CTSC: variants seen among roughly 807,000 people sequenced by gnomAD.
The protein encoded by CTSC is cathepsin C.
A neutral mutation model predicts 40.9 loss-of-function variants in CTSC; 37 were observed. The observed-to-expected ratio is 0.91, with a 90% confidence interval of 0.70 to 1.19. The LOEUF (loss-of-function observed/expected upper bound fraction) is 1.19, where lower values mean the gene tolerates loss of function less well. Among genes scored for constraint, CTSC ranks in the 50% most tolerant of loss-of-function variants. CTSC has a pLI of 0.00. For missense variants in CTSC, 594 were observed against 567.3 expected (o/e 1.05, Z -0.48); for synonymous variants, 232 against 207.4 (o/e 1.12, Z -1.02).
intron 4 of CTSC, among the ~76,000 whole-genome samples, chr11:88,307,038 A>G (rs896781241): frequency 2.6e-5 from 4 of 152,188 alleles, no homozygotes; most frequent in Non-Finnish European, 4.4e-5. Context: ...CCTCTGTCAT[A>G]TGCCTGCGAG....
chr11:88,294,269 A>G lies in CTSC; in HGVS notation c.1129T>C (p.Tyr377His). ...TTTTTGTAGTGGAGGAAGTCATCAT[A>G]TACTTCAAAAGCAACTGCCATGGGC... ...HGPMAVAFEVYDDFLHYKKGI... is the reference protein window; with the variant it reads ...HGPMAVAFEVHDDFLHYKKGI... The change falls in exon 7 of 7, where the codon TAT (tyrosine) becomes CAT (histidine). Residue 377 changes from tyrosine (Y) to histidine (H), a missense_variant. Coordinates refer to ENST00000227266, the MANE Select transcript of CTSC (RefSeq NM_001814.6). 2 of 1,614,112 alleles carry G rather than the reference A, an allele frequency of 1.2e-6. No homozygotes were observed. The highest frequency in any genetic ancestry group is 1.7e-6 in the Non-Finnish European group (2 of 1,180,028).
At chr11:88,309,043 TA>T in intron 4 of CTSC, 119 bp downstream of exon 4, 1 of 825,258 alleles carries the variant, frequency 1.2e-6, no homozygotes, top group Non-Finnish European at 2.0e-6. Flanking sequence ...ACAGATCACA[TA>T]AAAAGTTACA....
chr11:88,325,802 A>G lies in CTSC; in HGVS notation c.318+9135T>C, dbSNP rs528724415. On this transcript the variant is annotated intron_variant, in intron 2 of 6. Coordinates refer to ENST00000227266, the MANE Select transcript of CTSC (RefSeq NM_001814.6). Reference sequence around the variant, plus strand: ...ACTATAGCAGTCTGACATATCTGAGAAAGCCTCTTTTTTCCCTTCTTTAAA... The same window carrying G: ...ACTATAGCAGTCTGACATATCTGAGGAAGCCTCTTTTTTCCCTTCTTTAAA... 9.7e-5 allele frequency: 96 copies of G among 985,934 alleles called. No individual in the cohort carries two copies. The African/African-American group carries it at 1.6e-3, about 17-fold the overall frequency. The allele number at this position is 985,934 out of a possible 1,614,324, so 61.1% of individuals were successfully genotyped here. A position where few individuals can be genotyped will look rare whatever the true frequency, so the allele number is the denominator to read the frequency against.
At chr11:88,325,046 T>C (rs1401572840) in intron 2 of CTSC, 2 of 985,090 alleles carry the variant, frequency 2.0e-6, no homozygotes, top group Non-Finnish European at 2.4e-6. Context: ...CCAGACAATA[T>C]GAATTAAACA....
At chr11:88,333,550 T>C (rs560077147) in intron 2 of CTSC, among the ~76,000 whole-genome samples, 1 of 152,352 alleles carries the variant, frequency 6.6e-6, no homozygotes, top group South Asian at 2.1e-4. Context: ...TCAAAGAACC[T>C]TTGAAGGGCT....
intron 2 of CTSC, among the ~76,000 whole-genome samples, chr11:88,314,907 T>G (rs1345437073): frequency 6.6e-6 from 1 of 152,140 alleles, no homozygotes; most frequent in Non-Finnish European, 1.5e-5. Flanking sequence ...AGTTCCCAAC[T>G]ACTCAAGTCC....
chr11:88,331,488 G>T (rs1281294186), intron 2 of CTSC, among the ~76,000 whole-genome samples: 1 of 152,146 alleles, frequency 6.6e-6, no homozygotes, highest in African/African-American at 2.4e-5. Flanking sequence ...GTTCTGGAAG[G>T]GTCCCAGACA....
chr11:88,331,912 T>G (rs539569204), intron 2 of CTSC, among the ~76,000 whole-genome samples: 1 of 152,094 alleles, frequency 6.6e-6, no homozygotes, highest in East Asian at 1.9e-4. Flanking sequence ...GTCTTGGGAG[T>G]GAGTTATGAG....
intron 2 of CTSC, chr11:88,328,228 A>T: frequency 6.8e-7 from 1 of 1,478,264 alleles, no homozygotes; most frequent in Non-Finnish European, 9.5e-7. Flanking sequence ...AAACTGAGTC[A>T]TTATGTTGAG....
rs755324089 is a variant in CTSC at position 88,300,637 on chromosome 11, G to GCA, written c.649_650insTG (p.Pro217LeufsTer5). 5.0e-6 allele frequency: 8 copies of GCA among 1,607,828 alleles called. No individual in the cohort carries two copies. In the South Asian group the frequency reaches 8.8e-5, roughly 18 times the overall value. ...CTGTATTTCAGCAGTCAGTGGTGCA[G>GCA]GTTTGGGCCTAGAAAGGAAATATAC... On this transcript the variant is annotated frameshift_variant, in exon 5 of 7. Coordinates refer to ENST00000227266, the MANE Select transcript of CTSC (RefSeq NM_001814.6). LOFTEE classifies it high-confidence loss of function.
intron 4 of CTSC, among the ~76,000 whole-genome samples, chr11:88,304,741 C>T (rs1177282447): frequency 1.3e-5 from 2 of 152,192 alleles, no homozygotes; most frequent in African/African-American, 2.4e-5. Flanking sequence ...ACCAAGATGG[C>T]GATGAGAGTG....
intron 3 of CTSC, among the ~76,000 whole-genome samples, chr11:88,311,800 GC>G (rs1451894762): frequency 6.6e-6 from 1 of 152,162 alleles, no homozygotes; most frequent in Non-Finnish European, 1.5e-5. Flanking sequence ...CTGTTTAGGA[GC>G]CCAGTAAGCA....
At chr11:88,296,712 G>C in intron 5 of CTSC, 2 of 252,014 alleles carry the variant, frequency 7.9e-6, no homozygotes, top group South Asian at 9.5e-5. Flanking sequence ...CTAAAATCAT[G>C]TTAAAACCCC....
chr11:88,296,514 T>TA (rs1944301048), intron 5 of CTSC: 4 of 421,286 alleles, frequency 9.5e-6, no homozygotes, highest in Middle Eastern at 7.4e-4. Flanking sequence ...TTTTAGAAAC[T>TA]AAAAAAACCC....
chr11:88,302,176 A>G (rs1260434645), intron 4 of CTSC, among the ~76,000 whole-genome samples: 4 of 152,126 alleles, frequency 2.6e-5, no homozygotes. Context: ...GTCATATCAC[A>G]CTGTTCTAGT....
At chr11:88,295,454 A>C (rs1944288283) in intron 6 of CTSC, among the ~76,000 whole-genome samples, 3 of 151,354 alleles carry the variant, frequency 2.0e-5, no homozygotes, top group African/African-American at 7.3e-5. Flanking sequence ...ATATCGGCTC[A>C]CTGCAGCCTT....
At position 88,294,030 on chromosome 11, in the gene CTSC, T is replaced by C. The variant is rs1944269905; in HGVS notation, c.1368A>G (p.Ala456=). The change falls in exon 7 of 7, where the codon GCA becomes GCG. Residue 456 remains alanine (A), a synonymous_variant. Transcript: ENST00000227266. ...DECAIESIAV[A]ATPIPKL is the part of the protein sequence containing the mutation. Reference sequence around the variant, plus strand: ...CCTACAATTTAGGAATTGGTGTGGCTGCCACTGCTATGCTCTCAATTGCAC... The same window carrying C: ...CCTACAATTTAGGAATTGGTGTGGCCGCCACTGCTATGCTCTCAATTGCAC... The C allele has an allele frequency of 6.2e-7, 1 of 1,614,086 alleles. No homozygotes were observed.
intron 1 of CTSC, among the ~76,000 whole-genome samples, chr11:88,336,161 C>T (rs897923319): frequency 3.3e-5 from 5 of 150,602 alleles, no homozygotes; most frequent in Non-Finnish European, 7.4e-5. Flanking sequence ...GAGAGTAATG[C>T]TCTGACATGG....
At chr11:88,328,028 A>G (rs1938238561) in intron 2 of CTSC, 8 of 867,906 alleles carry the variant, frequency 9.2e-6, no homozygotes, top group Non-Finnish European at 1.6e-5. Context: ...TGATGAATAA[A>G]TAGGCATTAA....
Sources: gnomAD v4.1 joint callset for allele counts (sites outside exome capture counted in the v4.1 genomes callset) on GRCh38, gnomAD v4.1.1 for gene constraint, MANE v1.5 for transcripts, NCBI Gene and HGNC (gene_info 2026-07-23, HGNC 2026-07-21) for gene names.